NEK7: variants seen among roughly 807,000 people sequenced by gnomAD.
NEK7 encodes the protein serine/threonine-protein kinase Nek7.
In NEK7, 18 loss-of-function variants were observed where a neutral mutation model predicts 44.6. That is an observed-to-expected ratio of 0.40 (90% CI 0.28 to 0.60). The LOEUF is 0.60. Among genes scored for constraint, NEK7 ranks in the 20% least tolerant of loss-of-function variants. The pLI is 0.38. For synonymous variants in NEK7, 130 were observed against 121.1 expected (o/e 1.07, Z -0.48); for missense variants, 256 against 366.5 (o/e 0.70, Z 2.46).
At chr1:198,197,327 GAATT>G (rs1337385380) in intron 1 of NEK7, among the ~76,000 whole-genome samples, 1 of 152,158 alleles carries the variant, frequency 6.6e-6, no homozygotes, top group Non-Finnish European at 1.5e-5. Context: ...GATAGAGAAA[GAATT>G]AATGTATGTG....
chr1:198,236,006 T>A (rs1666536022), intron 2 of NEK7, among the ~76,000 whole-genome samples: 1 of 152,160 alleles, frequency 6.6e-6, no homozygotes, highest in Admixed American at 6.5e-5. Context: ...GTTCAGACTG[T>A]AATCCATTTA....
intron 2 of NEK7, among the ~76,000 whole-genome samples, chr1:198,234,509 A>T (rs569495420): frequency 6.6e-5 from 10 of 152,304 alleles, no homozygotes; most frequent in African/African-American, 2.4e-4. Flanking sequence ...TGATTTTGAG[A>T]TTCACAGTTT....
intron 7 of NEK7, among the ~76,000 whole-genome samples, chr1:198,287,505 T>C (rs982983564): frequency 6.6e-6 from 1 of 152,272 alleles, no homozygotes. Context: ...TTTGAAGAGA[T>C]ATTTTGACTT....
intron 9 of NEK7, 50 bp downstream of exon 9, chr1:198,297,290 T>G (rs1186964552): frequency 6.2e-7 from 1 of 1,602,614 alleles, no homozygotes; most frequent in Non-Finnish European, 8.5e-7. Flanking sequence ...TTTGCTAACA[T>G]TTTTATTTTA....
intron 1 of NEK7, chr1:198,221,192 A>G (rs1032264722): frequency 6.6e-6 from 1 of 152,060 alleles, no homozygotes; most frequent in African/African-American, 2.4e-5. Context: ...TCATGGAATT[A>G]TTACTTGGAA....
intron 3 of NEK7, among the ~76,000 whole-genome samples, chr1:198,262,093 TTCTAGATGGATA>T (rs1245533505): frequency 6.6e-6 from 1 of 151,876 alleles, no homozygotes; most frequent in African/African-American, 2.4e-5. Context: ...AGTGCTTGGG[TTCTAGATGGATA>T]ACTCTGAGAA....
At chr1:198,194,565 G>T (rs1022642334) in intron 1 of NEK7, among the ~76,000 whole-genome samples, 23 of 151,886 alleles carry the variant, frequency 1.5e-4, no homozygotes, top group African/African-American at 4.8e-4. Context: ...AGAACAAGTG[G>T]TATTTGGTTT....
intron 7 of NEK7, among the ~76,000 whole-genome samples, chr1:198,280,103 G>A (rs554595213): frequency 1.2e-4 from 18 of 151,992 alleles, no homozygotes; most frequent in African/African-American, 4.1e-4. Context: ...TATTTTCATA[G>A]AGCGTTATAA....
At chr1:198,277,203 T>C (rs558490404) in intron 5 of NEK7, among the ~76,000 whole-genome samples, 1 of 151,928 alleles carries the variant, frequency 6.6e-6, no homozygotes, top group African/African-American at 2.4e-5. Flanking sequence ...CTAAGAACTT[T>C]GTCCTTGAAG....
rs540093919 is a variant in NEK7 at position 198,249,496 on chromosome 1, T to C, written c.58-3544T>C. The stretch of plus-strand genomic sequence containing the variant: ...CTTCCACAATGGTTGAACTAGTTTA[T>C]AGTCCCACCAACAGTGTAAAAGTGT... On this transcript the variant is annotated intron_variant, in intron 2 of 9. Coordinates refer to ENST00000367385, the MANE Select transcript of NEK7 (RefSeq NM_133494.3). 9.5e-4 allele frequency among the ~76,000 whole-genome samples: 144 copies of C among 152,060 alleles called. 1 individual carries two copies. The highest frequency in any genetic ancestry group is 5.0e-3 in the South Asian group (24 of 4,818).
intron 2 of NEK7, among the ~76,000 whole-genome samples, chr1:198,241,063 G>A (rs1295860299): frequency 6.6e-6 from 1 of 152,208 alleles, no homozygotes; most frequent in Non-Finnish European, 1.5e-5. Flanking sequence ...TTTCAGACAT[G>A]TTTTCAGTAG....
rs1282547597 is a variant in NEK7, at chr1:198,277,950, T to G, written c.373-11T>G. The G allele has an allele frequency of 6.5e-7, 1 of 1,529,472 alleles. No individual in the cohort carries two copies. The highest frequency in any genetic ancestry group is 9.0e-7 in the Non-Finnish European group (1 of 1,110,080). 94.7% of individuals were successfully genotyped at this position (1,529,472 alleles called of 1,614,324 possible). A position where few individuals can be genotyped will look rare whatever the true frequency, so the allele number is the denominator to read the frequency against. ...TAGTTTTTATAGTTCTTATTTTTAATTTTCAAAAAGCATTTTAAGAAGCAA... is the reference window on the plus strand; with the variant it reads ...TAGTTTTTATAGTTCTTATTTTTAAGTTTCAAAAAGCATTTTAAGAAGCAA... On this transcript the variant is annotated splice_polypyrimidine_tract_variant and intron_variant, in intron 5 of 9. Coordinates refer to ENST00000367385, the MANE Select transcript of NEK7 (RefSeq NM_133494.3).
intron 1 of NEK7, among the ~76,000 whole-genome samples, chr1:198,163,632 A>G (rs1171533994): frequency 1.3e-5 from 2 of 152,220 alleles, no homozygotes; most frequent in African/African-American, 4.8e-5. Context: ...TAGTCAATAA[A>G]TACATGTAAA....
At chr1:198,253,525 CAG>C (rs534040997) in intron 3 of NEK7, among the ~76,000 whole-genome samples, 72 of 152,140 alleles carry the variant, frequency 4.7e-4, no homozygotes, top group Non-Finnish European at 7.2e-4. Context: ...GCACTGTAGT[CAG>C]AAACTAGAGT....
At chr1:198,280,411 A>G (rs542654655) in intron 7 of NEK7, among the ~76,000 whole-genome samples, 1 of 152,216 alleles carries the variant, frequency 6.6e-6, no homozygotes, top group Non-Finnish European at 1.5e-5. Flanking sequence ...GCCCCTGCTC[A>G]TGCACACACG....
chr1:198,228,745 C>T (rs35827197), intron 1 of NEK7, among the ~76,000 whole-genome samples: 26,715 of 152,018 alleles, frequency 0.18, 3,386 homozygotes, highest in African/African-American at 0.33. Context: ...CTGAAGTTGC[C>T]TATCAGCTTA....
chr1:198,216,309 TAAAC>T (rs1424974527), intron 1 of NEK7, among the ~76,000 whole-genome samples: 1 of 152,032 alleles, frequency 6.6e-6, no homozygotes, highest in Non-Finnish European at 1.5e-5. Context: ...ACATGGAAAT[TAAAC>T]AATCTGCTTC....
At chr1:198,262,460 G>T in intron 3 of NEK7, 115 bp from the exon 4 acceptor site, 1 of 636,180 alleles carries the variant, frequency 1.6e-6, no homozygotes, top group African/African-American at 1.9e-5. Flanking sequence ...AAGCTAATCA[G>T]AAAGAAAATT....
chr1:198,166,446 C>T (rs760107870), intron 1 of NEK7, among the ~76,000 whole-genome samples: 16 of 152,198 alleles, frequency 1.1e-4, no homozygotes, highest in Non-Finnish European at 2.2e-4. Context: ...CCTGTCTTGA[C>T]CTTTGACATG....
Sources: allele counts gnomAD v4.1 joint callset (sites outside exome capture counted in the v4.1 genomes callset), GRCh38; gene constraint gnomAD v4.1.1; transcripts MANE v1.5; gene names NCBI Gene and HGNC (gene_info 2026-07-23, HGNC 2026-07-21).